The following G3BP1 variants were observed in gnomAD, a reference collection of about 807,000 sequenced individuals.
G3BP1 encodes the protein ras GTPase-activating protein-binding protein 1.
A neutral mutation model predicts 58.6 loss-of-function variants in G3BP1; 35 were observed. That is an observed-to-expected ratio of 0.60 (90% confidence interval 0.46 to 0.79). G3BP1 has a LOEUF of 0.79. G3BP1 is among the 30% of genes least tolerant of loss of function. The pLI, the probability that G3BP1 is intolerant of heterozygous loss-of-function variation, is 0.00. For synonymous variants in G3BP1, 191 were observed against 195.4 expected, an observed-to-expected ratio of 0.98 and a Z score of 0.19; for missense variants, 523 against 580.8, an observed-to-expected ratio of 0.90 and a Z score of 1.02.
chr5:151,802,446 T>C (rs1039415521), intron 11 of G3BP1, among the ~76,000 whole-genome samples: 4 of 152,250 alleles, frequency 2.6e-5, no homozygotes, highest in Non-Finnish European at 5.9e-5. Context: ...CCGTGGTGTA[T>C]GACATACTGT....
In G3BP1 at chr5:151,808,226, T is replaced by C. The variant is rs1047366177; in HGVS notation, c.*4135T>C. On this transcript the variant is annotated 3_prime_UTR_variant, in exon 12 of 12. Coordinates refer to ENST00000356245, the MANE Select transcript of G3BP1 (RefSeq NM_005754.3). ...GGACCATAGGTGGGCCTGTCAACTC[T>C]TAACAGACTATAGTAAAGGAGAGAT... is the stretch of plus-strand genomic sequence containing the variant. 2.0e-5 allele frequency: 3 copies of C among 152,224 alleles called. No homozygotes were observed. Among genetic ancestry groups the C allele is most frequent in the African/African-American group, 7.2e-5 (3 of 41,446 alleles). 9.4% of individuals were successfully genotyped at this position (152,224 alleles called of 1,614,324 possible). A position where few individuals can be genotyped will look rare whatever the true frequency, so the allele number is the denominator to read the frequency against.
intron 6 of G3BP1, among the ~76,000 whole-genome samples, chr5:151,796,924 ATGT>A (rs201193122): frequency 0.024 from 2,482 of 105,062 alleles, 51 homozygotes; most frequent in African/African-American, 0.086. Context: ...AGTTTTTCTG[ATGT>A]TGTATGCTAA....
chr5:151,797,553 G>T, intron 7 of G3BP1, 125 bp downstream of exon 7: 1 of 1,051,660 alleles, frequency 9.5e-7, no homozygotes, highest in Non-Finnish European at 1.3e-6. Context: ...TCATTTCAGG[G>T]AAATTTCTTA....
chr5:151,775,647 ATT>A (rs1430775229), intron 1 of G3BP1, among the ~76,000 whole-genome samples: 2 of 152,362 alleles, frequency 1.3e-5, no homozygotes, highest in Non-Finnish European at 2.9e-5. Context: ...GGTTGCCTAG[ATT>A]TCCCTGGAGT....
intron 7 of G3BP1, among the ~76,000 whole-genome samples, chr5:151,797,742 T>C (rs1204183536): frequency 6.6e-6 from 1 of 152,264 alleles, no homozygotes; most frequent in Non-Finnish European, 1.5e-5. Flanking sequence ...TTTTACACTA[T>C]AAATTATTAC....
chr5:151,800,889 G>GTT lies in G3BP1; in HGVS notation c.1194+20_1194+21insTT. On this transcript the variant is annotated intron_variant, in intron 11 of 11. Transcript: ENST00000356245. The stretch of plus-strand genomic sequence containing the variant: ...AACAGGGTAAGCAGCTTTTTGTCTT[G>GTT]ATTTTTTTTTTTTTTTTTTAAAAAG... 2.0e-6 allele frequency: 2 copies of GTT among 979,676 alleles called. No homozygotes were observed. Among genetic ancestry groups the GTT allele is most frequent in the Non-Finnish European group, 3.0e-6 (2 of 664,026 alleles). 60.7% of individuals were successfully genotyped at this position (979,676 alleles called of 1,614,324 possible).
chr5:151,796,114 A>G (rs903770943), intron 6 of G3BP1, among the ~76,000 whole-genome samples: 1 of 152,208 alleles, frequency 6.6e-6, no homozygotes, highest in Non-Finnish European at 1.5e-5. Flanking sequence ...ACTGAATGTT[A>G]ATATTCAGTG....
intron 1 of G3BP1, among the ~76,000 whole-genome samples, chr5:151,778,602 C>T (rs553710766): frequency 5.9e-5 from 9 of 152,048 alleles, no homozygotes; most frequent in South Asian, 4.2e-4. Flanking sequence ...CCACCACACC[C>T]GGCTAATTTT....
At chr5:151,796,593 T>G (rs925129076) in intron 6 of G3BP1, among the ~76,000 whole-genome samples, 2 of 152,240 alleles carry the variant, frequency 1.3e-5, no homozygotes, top group Non-Finnish European at 2.9e-5. Context: ...TCTGGTTGAT[T>G]TATGTGGAAT....
intron 2 of G3BP1, among the ~76,000 whole-genome samples, chr5:151,789,294 A>G (rs1440775006): frequency 6.6e-6 from 1 of 152,130 alleles, no homozygotes; most frequent in Non-Finnish European, 1.5e-5. Flanking sequence ...AAAATACAAA[A>G]AAAGGCGGAG....
At chr5:151,786,809 G>T in intron 2 of G3BP1, 94 bp downstream of exon 2, 1 of 805,610 alleles carries the variant, frequency 1.2e-6, no homozygotes, top group Non-Finnish European at 2.2e-6. Flanking sequence ...ATGCTTTGTA[G>T]GGTTGTTGCA....
intron 1 of G3BP1, among the ~76,000 whole-genome samples, chr5:151,777,788 C>A (rs969332740): frequency 1.3e-5 from 2 of 152,170 alleles, no homozygotes; most frequent in African/African-American, 4.8e-5. Flanking sequence ...TCCATTACCC[C>A]CAAAAGTTTT....
intron 11 of G3BP1, among the ~76,000 whole-genome samples, chr5:151,801,982 T>G (rs1470837224): frequency 6.6e-6 from 1 of 151,914 alleles, no homozygotes; most frequent in East Asian, 1.9e-4. Flanking sequence ...GCCCAGCTGA[T>G]TTTTTTGTAT....
Position 151,797,355 on chromosome 5 carries a change from C to T in G3BP1, c.668C>T (p.Ala223Val), listed in dbSNP as rs1023381854. The T allele has an allele frequency of 1.9e-6, 3 of 1,613,824 alleles. 1 individual carries two copies. Among genetic ancestry groups the T allele is most frequent in the African/African-American group, 2.7e-5 (2 of 74,884 alleles). ...CCTGAGCCAGTATTAGAAGAAACTG[C>T]CCCTGAGGATGCTCAGAAGAGTTCT... ...EKPEPVLEETAPEDAQKSSSP... is the reference protein window; with the variant it reads ...EKPEPVLEETVPEDAQKSSSP... Residue 223 changes from alanine to valine, a missense_variant, in exon 7 of 12, where the codon GCC becomes GTC. By Grantham distance (64) the Ala-to-Val change is moderately conservative. This residue lies in a region of G3BP1 where 398 missense variants were observed against 399.1 expected (regional missense o/e 1.00). Coordinates refer to ENST00000356245, the MANE Select transcript of G3BP1 (RefSeq NM_005754.3).
At chr5:151,791,971 G>A in intron 4 of G3BP1, 1 of 392,468 alleles carries the variant, frequency 2.5e-6, no homozygotes, top group South Asian at 1.8e-5. Flanking sequence ...TTCTCTTTTT[G>A]ATTTGTAAAT....
chr5:151,780,878 GAGTTTCTTTGA>G (rs1762459181), intron 1 of G3BP1, among the ~76,000 whole-genome samples: 2 of 152,158 alleles, frequency 1.3e-5, no homozygotes, highest in South Asian at 4.1e-4. Context: ...TATTGATGGG[GAGTTTCTTTGA>G]AGTTGCTTTG....
Position 151,805,049 on chromosome 5 carries a change from G to T in G3BP1, c.*958G>T, listed in dbSNP as rs1171318043. 1 of 152,416 alleles carries T rather than the reference G, an allele frequency of 6.6e-6. No homozygotes were observed. The highest frequency in any genetic ancestry group is 1.9e-4 in the East Asian group (1 of 5,204). The allele number at this position is 152,416 out of a possible 1,614,324, so 9.4% of individuals were successfully genotyped here. ...ATTTGTTATGCCTTATTCTAAAATT[G>T]AGTCTCAAACTGGAATGCCTTTGAA... On this transcript the variant is annotated 3_prime_UTR_variant, in exon 12 of 12. Transcript: ENST00000356245.
In G3BP1 at chr5:151,805,845, G is replaced by C. The variant is rs1263710282; in HGVS notation, c.*1754G>C. The stretch of plus-strand genomic sequence containing the variant: ...GTGGGTGGAAAGAAAAGTTTAGTCT[G>C]AGTCACTTTGGAAAAAAAAATTACT... On this transcript the variant is annotated 3_prime_UTR_variant, in exon 12 of 12. Transcript: ENST00000356245. The C allele has an allele frequency of 6.6e-6, 1 of 152,098 alleles. No homozygotes were observed. Among genetic ancestry groups the C allele is most frequent in the African/African-American group, 2.4e-5 (1 of 41,402 alleles). The allele number at this position is 152,098 out of a possible 1,614,324, so 9.4% of individuals were successfully genotyped here. A position where few individuals can be genotyped will look rare whatever the true frequency, so the allele number is the denominator to read the frequency against.
intron 1 of G3BP1, among the ~76,000 whole-genome samples, chr5:151,780,241 T>C (rs1345483395): frequency 6.6e-6 from 1 of 152,220 alleles, no homozygotes; most frequent in East Asian, 1.9e-4. Flanking sequence ...TTCCTGAGAA[T>C]TGGCTGCTCC....
Sources: allele counts gnomAD v4.1 joint callset (sites outside exome capture counted in the v4.1 genomes callset), GRCh38; gene constraint gnomAD v4.1.1; regional missense constraint gnomAD v4.1.1; transcripts MANE v1.5; gene names NCBI Gene and HGNC (gene_info 2026-07-23, HGNC 2026-07-21).